PDE10A: variants seen among roughly 807,000 people sequenced by gnomAD.
PDE10A encodes cAMP and cAMP-inhibited cGMP 3',5'-cyclic phosphodiesterase 10A.
In PDE10A, 39 loss-of-function variants were observed where a neutral mutation model predicts 97.7. The observed-to-expected ratio is 0.40, with a 90% CI of 0.31 to 0.52. The LOEUF (loss-of-function observed/expected upper bound fraction) is 0.52, where lower values mean the gene tolerates loss of function less well. Among genes scored for constraint, PDE10A ranks in the 20% least tolerant of loss-of-function variants. The pLI is 0.56. For synonymous variants in PDE10A, 371 were observed against 376.8 expected, an observed-to-expected ratio of 0.98 and a Z score of 0.18; for missense variants, 731 against 1,047.8, an observed-to-expected ratio of 0.70 and a Z score of 4.17.
intron 3 of PDE10A, among the ~76,000 whole-genome samples, chr6:165,468,324 G>A (rs769696623): frequency 3.2e-4 from 49 of 151,176 alleles, no homozygotes; most frequent in Non-Finnish European, 5.9e-4. Flanking sequence ...TCCTGACCTC[G>A]TGATCCGCCC....
At chr6:165,604,170 G>C (rs983033568) in intron 1 of PDE10A, among the ~76,000 whole-genome samples, 1 of 152,100 alleles carries the variant, frequency 6.6e-6, no homozygotes, top group African/African-American at 2.4e-5. Context: ...TATTTTATCA[G>C]TAAACTCTTA....
At chr6:165,470,279 C>T (rs930382484) in intron 3 of PDE10A, among the ~76,000 whole-genome samples, 14 of 152,096 alleles carry the variant, frequency 9.2e-5, no homozygotes, top group African/African-American at 2.7e-4. Context: ...CGACAGGTAA[C>T]GAGAACTGAC....
At chr6:165,828,511 C>G (rs1450175726) in intron 1 of PDE10A, among the ~76,000 whole-genome samples, 1 of 152,196 alleles carries the variant, frequency 6.6e-6, no homozygotes, top group African/African-American at 2.4e-5. Flanking sequence ...TAGACATGTG[C>G]TTATTCATGT....
chr6:165,818,698 T>C (rs2128468691), intron 1 of PDE10A, among the ~76,000 whole-genome samples: 1 of 152,360 alleles, frequency 6.6e-6, no homozygotes, highest in South Asian at 2.1e-4. Context: ...GAGGCAATTT[T>C]TGATGAATGC....
intron 16 of PDE10A, among the ~76,000 whole-genome samples, chr6:165,389,045 C>T (rs1416063047): frequency 1.3e-5 from 2 of 152,138 alleles, no homozygotes; most frequent in African/African-American, 4.8e-5. Context: ...AGGAGAGCGG[C>T]AAGCGCAGTG....
intron 20 of PDE10A, among the ~76,000 whole-genome samples, chr6:165,336,697 C>T (rs1781670713): frequency 7.0e-6 from 1 of 143,540 alleles, no homozygotes; most frequent in Non-Finnish European, 1.5e-5. Context: ...TGCAGTGAGC[C>T]GAGATTGCGC....
intron 1 of PDE10A, among the ~76,000 whole-genome samples, chr6:165,882,858 T>C (rs971208023): frequency 6.6e-6 from 1 of 152,022 alleles, no homozygotes; most frequent in African/African-American, 2.4e-5. Context: ...TTTTTGGTGC[T>C]TTGGTTTATC....
chr6:165,421,189 C>T (rs1788667389), intron 10 of PDE10A, among the ~76,000 whole-genome samples: 1 of 152,134 alleles, frequency 6.6e-6, no homozygotes, highest in Non-Finnish European at 1.5e-5. Flanking sequence ...TGCCTGTAAT[C>T]CCAGCACTTT....
chr6:165,928,141 G>T (rs1783003270), intron 1 of PDE10A, among the ~76,000 whole-genome samples: 2 of 151,792 alleles, frequency 1.3e-5, no homozygotes, highest in Non-Finnish European at 2.9e-5. Flanking sequence ...TACATTTAAA[G>T]TAAGTATGTT....
chr6:165,348,799 G>C (rs1431497423), intron 18 of PDE10A, among the ~76,000 whole-genome samples: 12 of 152,158 alleles, frequency 7.9e-5, no homozygotes, highest in African/African-American at 2.4e-4. Flanking sequence ...CCTGTTTTGT[G>C]ATAGGGATTC....
chr6:165,577,569 G>A (rs1446990220), intron 1 of PDE10A, among the ~76,000 whole-genome samples: 1 of 152,162 alleles, frequency 6.6e-6, no homozygotes. Flanking sequence ...GCTGCCAATG[G>A]GCTTTACACC....
intron 5 of PDE10A, among the ~76,000 whole-genome samples, chr6:165,448,521 CT>C (rs1791030841): frequency 6.6e-6 from 1 of 152,150 alleles, no homozygotes; most frequent in Non-Finnish European, 1.5e-5. Flanking sequence ...CTGCAAAAAA[CT>C]TTAAAAATCA....
chr6:165,517,396 C>G (rs1283029221), intron 2 of PDE10A, among the ~76,000 whole-genome samples: 1 of 152,082 alleles, frequency 6.6e-6, no homozygotes, highest in Non-Finnish European at 1.5e-5. Context: ...AACACAAACA[C>G]CAGTTAAAGC....
At chr6:165,987,073 A>G (rs1785245859) in intron 1 of PDE10A, among the ~76,000 whole-genome samples, 1 of 151,718 alleles carries the variant, frequency 6.6e-6, no homozygotes. Context: ...GCTCGGGAGG[A>G]AGGAAGTTGC....
In PDE10A at chr6:165,396,331, G is replaced by A. The variant is rs1786157838; in HGVS notation, c.2205C>T (p.Cys735=). ...AACATACTTACAATTCAATTTCTTT[G>A]CAGAGACGCACGGGAAGGGTGAATT... The part of the protein sequence containing the change: ...LMQFTLPVRL[C]KEIELFHFDI... The change falls in exon 14 of 22, where the codon TGC becomes TGT. Residue 735 remains cysteine (C), a synonymous_variant. Coordinates refer to ENST00000539869, the MANE Select transcript of PDE10A (RefSeq NM_001385079.1). 6.2e-7 allele frequency: 1 copy of A among 1,612,636 alleles called. No individual in the cohort carries two copies.
At chr6:165,751,969 G>A (rs1793012078) in intron 1 of PDE10A, among the ~76,000 whole-genome samples, 2 of 151,328 alleles carry the variant, frequency 1.3e-5, no homozygotes, top group Non-Finnish European at 2.9e-5. Flanking sequence ...GAAACCCCAT[G>A]TCTACTAAAA....
chr6:165,950,219 CA>C (rs1425124280), intron 1 of PDE10A, among the ~76,000 whole-genome samples: 4 of 152,000 alleles, frequency 2.6e-5, no homozygotes, highest in African/African-American at 9.7e-5. Context: ...TAGGAGATCC[CA>C]AAAAATACTA....
intron 3 of PDE10A, among the ~76,000 whole-genome samples, chr6:165,482,086 G>C (rs930659525): frequency 6.6e-6 from 1 of 152,148 alleles, no homozygotes; most frequent in East Asian, 1.9e-4. Flanking sequence ...AACCCCATAG[G>C]CACGTGCAGC....
chr6:165,864,379 G>A (rs1481267459), intron 1 of PDE10A, among the ~76,000 whole-genome samples: 1 of 152,190 alleles, frequency 6.6e-6, no homozygotes, highest in Non-Finnish European at 1.5e-5. Flanking sequence ...GAGGGTTCAA[G>A]GGTAAAGAAA....
Sources: gnomAD v4.1 joint callset for allele counts (sites outside exome capture counted in the v4.1 genomes callset) on GRCh38, gnomAD v4.1.1 for gene constraint, MANE v1.5 for transcripts, NCBI Gene and HGNC (gene_info 2026-07-23, HGNC 2026-07-21) for gene names.